The following ARHGAP24 variants were observed in gnomAD, a reference collection of about 807,000 sequenced individuals.
ARHGAP24 encodes rho GTPase-activating protein 24.
In ARHGAP24, 50 loss-of-function variants were observed where a neutral mutation model predicts 76.4. The ratio of observed to expected loss-of-function variants is 0.65; its 90% confidence interval spans 0.52 to 0.83. The LOEUF is 0.83. ARHGAP24 is among the 40% of genes least tolerant of loss of function. ARHGAP24 has a pLI of 0.00. For missense variants in ARHGAP24, 930 were observed against 914.2 expected, an observed-to-expected ratio of 1.02 and a Z score of -0.22; for synonymous variants, 345 against 323.3, an observed-to-expected ratio of 1.07 and a Z score of -0.72.
At chr4:85,519,654 G>A (rs1724659826) in intron 1 of ARHGAP24, among the ~76,000 whole-genome samples, 1 of 152,066 alleles carries the variant, frequency 6.6e-6, no homozygotes, top group Non-Finnish European at 1.5e-5. Flanking sequence ...TAGCCTGGAA[G>A]CCCTTACAAA....
chr4:85,766,482 C>T lies in ARHGAP24; in HGVS notation c.268+44510C>T, dbSNP rs543860499. Reference sequence around the variant, plus strand: ...AACACTTGGGAACTTGTTAGAAATTCAAATTCTTGGATCTCTACCCTGGAG... The same window carrying T: ...AACACTTGGGAACTTGTTAGAAATTTAAATTCTTGGATCTCTACCCTGGAG... On this transcript the variant is annotated intron_variant, in intron 3 of 9. Coordinates refer to ENST00000395184, the MANE Select transcript of ARHGAP24 (RefSeq NM_001025616.3). 3.3e-5 allele frequency among the ~76,000 whole-genome samples: 5 copies of T among 152,168 alleles called. No individual in the cohort carries two copies. In the South Asian group the frequency reaches 6.2e-4, roughly 19 times the overall value.
intron 2 of ARHGAP24, among the ~76,000 whole-genome samples, chr4:85,701,296 C>A (rs1262024005): frequency 1.3e-5 from 2 of 151,874 alleles, no homozygotes; most frequent in African/African-American, 4.8e-5. Context: ...TCTTTTATTT[C>A]AATAATTTTT....
At chr4:85,651,747 ACTGT>A (rs1437598348) in intron 2 of ARHGAP24, among the ~76,000 whole-genome samples, 4 of 137,124 alleles carry the variant, frequency 2.9e-5, no homozygotes, top group South Asian at 2.1e-4. Flanking sequence ...TAATTTGTTG[ACTGT>A]CTGCATCTGT....
At chr4:85,677,368 G>A (rs577693394) in intron 2 of ARHGAP24, among the ~76,000 whole-genome samples, 1 of 152,158 alleles carries the variant, frequency 6.6e-6, no homozygotes, top group African/African-American at 2.4e-5. Context: ...ACCTAGTTAG[G>A]CACACAGCCG....
At chr4:85,563,996 A>T (rs1003692847) in intron 1 of ARHGAP24, among the ~76,000 whole-genome samples, 10 of 152,168 alleles carry the variant, frequency 6.6e-5, no homozygotes, top group African/African-American at 2.4e-4. Flanking sequence ...GATAAAAATA[A>T]ATCTATCACT....
chr4:85,519,075 C>T (rs1724636279), intron 1 of ARHGAP24, among the ~76,000 whole-genome samples: 1 of 152,088 alleles, frequency 6.6e-6, no homozygotes, highest in Admixed American at 6.6e-5. Context: ...CACTAATGAT[C>T]AGGAAATGCA....
At chr4:85,630,239 C>T (rs530309197) in intron 2 of ARHGAP24, among the ~76,000 whole-genome samples, 1 of 152,212 alleles carries the variant, frequency 6.6e-6, no homozygotes, top group South Asian at 2.1e-4. Flanking sequence ...TCATTTTGTT[C>T]ATATGTTGTT....
chr4:85,930,134 C>T lies in ARHGAP24; in HGVS notation c.391+6364C>T, dbSNP rs796647115. Reference sequence around the variant, plus strand: ...GGAGCAACCGCAGCCCTGCCAGCTCCCTCCCAGTTCTCATTGAGAAAAGGG... The same window carrying T: ...GGAGCAACCGCAGCCCTGCCAGCTCTCTCCCAGTTCTCATTGAGAAAAGGG... On this transcript the variant is annotated intron_variant, in intron 4 of 9. Transcript: ENST00000395184. 2.6e-5 allele frequency: 17 copies of T among 645,178 alleles called. No homozygotes were observed. The Admixed American group carries it at 3.8e-4, about 14-fold the overall frequency. 40.0% of individuals were successfully genotyped at this position (645,178 alleles called of 1,614,324 possible).
intron 2 of ARHGAP24, among the ~76,000 whole-genome samples, chr4:85,653,422 C>G (rs1722019181): frequency 6.6e-6 from 1 of 152,088 alleles, no homozygotes; most frequent in Non-Finnish European, 1.5e-5. Flanking sequence ...TCTAGATTTG[C>G]ACTGTCCAGT....
intron 3 of ARHGAP24, among the ~76,000 whole-genome samples, chr4:85,740,336 C>A (rs1210714664): frequency 2.6e-5 from 4 of 151,746 alleles, no homozygotes; most frequent in African/African-American, 9.7e-5. Flanking sequence ...GATTCTCCTG[C>A]CTTAGCCTCC....
chr4:85,849,115 T>C (rs931436173), intron 3 of ARHGAP24, among the ~76,000 whole-genome samples: 2 of 144,914 alleles, frequency 1.4e-5, no homozygotes, highest in Non-Finnish European at 3.0e-5. Flanking sequence ...TATCCTCTTT[T>C]ATTTCCTTGA....
At chr4:85,985,399 C>T (rs577073444) in intron 8 of ARHGAP24, among the ~76,000 whole-genome samples, 58 of 152,204 alleles carry the variant, frequency 3.8e-4, no homozygotes, top group African/African-American at 1.3e-3. Flanking sequence ...CCAAATACCT[C>T]ATGTTCTCAC....
chr4:85,760,394 G>A (rs1371006513), intron 3 of ARHGAP24, among the ~76,000 whole-genome samples: 1 of 152,040 alleles, frequency 6.6e-6, no homozygotes, highest in African/African-American at 2.4e-5. Context: ...CTCCTTATTT[G>A]TAAATGTTTC....
intron 1 of ARHGAP24, among the ~76,000 whole-genome samples, chr4:85,556,989 A>G (rs775745376): frequency 6.6e-6 from 1 of 152,142 alleles, no homozygotes; most frequent in Non-Finnish European, 1.5e-5. Context: ...TCCCTTTTCC[A>G]TAAGGCAGCT....
At chr4:85,787,890 G>A (rs150606214) in intron 3 of ARHGAP24, among the ~76,000 whole-genome samples, 348 of 152,278 alleles carry the variant, frequency 2.3e-3, no homozygotes, top group African/African-American at 8.2e-3. Context: ...CACTTCCCAT[G>A]TAAAGTGCAT....
chr4:85,683,107 T>TGGGGGGGGGGGGGG (rs1310671945), intron 2 of ARHGAP24, among the ~76,000 whole-genome samples: 7 of 12,834 alleles, frequency 5.5e-4, no homozygotes, highest in Admixed American at 1.9e-3. Context: ...TCTCTCAGTG[T>TGGGGGGGGGGGGGG]GTGGGGGGGT....
chr4:85,747,158 C>T (rs1292263185), intron 3 of ARHGAP24, among the ~76,000 whole-genome samples: 1 of 152,160 alleles, frequency 6.6e-6, no homozygotes, highest in Non-Finnish European at 1.5e-5. Context: ...ATGAGCAAAG[C>T]TAACTTTTAA....
intron 2 of ARHGAP24, among the ~76,000 whole-genome samples, chr4:85,716,755 G>A (rs6531859): frequency 0.96 from 145,996 of 152,224 alleles, 70,321 homozygotes; most frequent in East Asian, 1. Context: ...ATGAAAACCA[G>A]TGGATAGGTA....
At chr4:85,982,228 T>C (rs527447483) in intron 8 of ARHGAP24, among the ~76,000 whole-genome samples, 1 of 152,122 alleles carries the variant, frequency 6.6e-6, no homozygotes, top group South Asian at 2.1e-4. Context: ...GCAAATCTTG[T>C]TATTTGAGGA....
Sources: gnomAD v4.1 joint callset for allele counts (sites outside exome capture counted in the v4.1 genomes callset) on GRCh38, gnomAD v4.1.1 for gene constraint, MANE v1.5 for transcripts, NCBI Gene and HGNC (gene_info 2026-07-23, HGNC 2026-07-21) for gene names.